UMAD1: variants seen among roughly 807,000 people sequenced by gnomAD.
The protein encoded by UMAD1 is UBAP1-MVB12-associated (UMA) domain containing 1.
A neutral mutation model predicts 6.1 loss-of-function variants in UMAD1; 8 were observed. The observed-to-expected ratio is 1.30, with a 90% CI of 0.76 to 2.35. The LOEUF (loss-of-function observed/expected upper bound fraction) is 2.35, where lower values mean the gene tolerates loss of function less well. Among genes scored for constraint, UMAD1 ranks in the 30% most tolerant of loss-of-function variants. UMAD1 has a pLI of 0.00. For missense variants in UMAD1, 130 were observed against 78.4 expected (o/e 1.66, Z -2.49); for synonymous variants, 56 against 31.4 (o/e 1.78, Z -2.61).
chr7:7,722,324 G>T (rs1781066149), intron 2 of UMAD1, among the ~76,000 whole-genome samples: 1 of 151,932 alleles, frequency 6.6e-6, no homozygotes, highest in African/African-American at 2.4e-5. Context: ...GTTGGTTTTG[G>T]GGATTCTGGA....
At chr7:7,862,031 T>A (rs1784126310) in intron 3 of UMAD1, among the ~76,000 whole-genome samples, 1 of 152,182 alleles carries the variant, frequency 6.6e-6, no homozygotes, top group Non-Finnish European at 1.5e-5. Context: ...AAAATATATA[T>A]CATACTTAGG....
chr7:7,659,532 A>T (rs1281252740), intron 1 of UMAD1, among the ~76,000 whole-genome samples: 3 of 152,212 alleles, frequency 2.0e-5, no homozygotes, highest in African/African-American at 7.2e-5. Context: ...TTCAAAGAAC[A>T]TCTTTATTTC....
chr7:7,658,569 C>T (rs1238808951), intron 1 of UMAD1, among the ~76,000 whole-genome samples: 1 of 152,094 alleles, frequency 6.6e-6, no homozygotes, highest in Non-Finnish European at 1.5e-5. Flanking sequence ...TTGAGATAGT[C>T]ATGTGGTTTT....
At chr7:7,654,408 A>C (rs1785295032) in intron 1 of UMAD1, among the ~76,000 whole-genome samples, 1 of 152,242 alleles carries the variant, frequency 6.6e-6, no homozygotes, top group Admixed American at 6.5e-5. Context: ...GGATATGGGA[A>C]GTGATTCTGT....
At chr7:7,786,274 C>A (rs1782459234) in intron 2 of UMAD1, among the ~76,000 whole-genome samples, 1 of 152,182 alleles carries the variant, frequency 6.6e-6, no homozygotes, top group Non-Finnish European at 1.5e-5. Context: ...AATATCTAGA[C>A]ATTTTTGAAA....
intron 2 of UMAD1, among the ~76,000 whole-genome samples, chr7:7,698,309 A>AT (rs1391331838): frequency 6.6e-6 from 1 of 152,150 alleles, no homozygotes; most frequent in Non-Finnish European, 1.5e-5. Flanking sequence ...ACTAGAGAAA[A>AT]TTTTTTTAGT....
At chr7:7,719,641 AG>A (rs67169061) in intron 2 of UMAD1, among the ~76,000 whole-genome samples, 16,419 of 150,704 alleles carry the variant, frequency 0.11, 1,154 homozygotes, top group African/African-American at 0.2. Context: ...GGAAAGTAGT[AG>A]TTTTTTTTTT....
intron 3 of UMAD1, among the ~76,000 whole-genome samples, chr7:7,808,565 G>A (rs867796603): frequency 6.6e-6 from 1 of 151,898 alleles, no homozygotes; most frequent in Admixed American, 6.6e-5. Context: ...TCTAATTTTG[G>A]TGACTGAATT....
intron 1 of UMAD1, among the ~76,000 whole-genome samples, chr7:7,658,112 G>C: frequency 6.6e-6 from 1 of 152,162 alleles, no homozygotes; most frequent in African/African-American, 2.4e-5. Flanking sequence ...CTCTCTGTTT[G>C]TCTATTATTG....
At chr7:7,771,549 A>G (rs1049976706) in intron 2 of UMAD1, among the ~76,000 whole-genome samples, 2 of 152,180 alleles carry the variant, frequency 1.3e-5, no homozygotes, top group African/African-American at 2.4e-5. Context: ...ACAGATCTGA[A>G]CATTTTCTTG....
intron 2 of UMAD1, among the ~76,000 whole-genome samples, chr7:7,687,602 G>T (rs1249715051): frequency 6.6e-6 from 1 of 152,188 alleles, no homozygotes; most frequent in East Asian, 1.9e-4. Context: ...AAGCTGAAGT[G>T]TTTAAAGTGT....
At chr7:7,671,533 T>C (rs1203816212) in intron 1 of UMAD1, among the ~76,000 whole-genome samples, 1 of 152,244 alleles carries the variant, frequency 6.6e-6, no homozygotes, top group Admixed American at 6.5e-5. Context: ...TGTTTTTAAC[T>C]GTTCGAGGTT....
At chr7:7,742,088 T>C (rs1401788392) in intron 2 of UMAD1, 5 of 578,202 alleles carry the variant, frequency 8.6e-6, no homozygotes, top group African/African-American at 1.9e-5. Context: ...TAAACGCTTG[T>C]TGATATGATG....
intron 3 of UMAD1, among the ~76,000 whole-genome samples, chr7:7,834,315 G>A (rs555414406): frequency 6.6e-6 from 1 of 152,122 alleles, no homozygotes; most frequent in Admixed American, 6.5e-5. Flanking sequence ...GAGCCACCAT[G>A]CCTGGCCTAT....
chr7:7,779,771 A>C (rs1782306960), intron 2 of UMAD1, among the ~76,000 whole-genome samples: 1 of 152,030 alleles, frequency 6.6e-6, no homozygotes, highest in Admixed American at 6.6e-5. Context: ...CAGCCTCTAG[A>C]ATAGCTGGGA....
intron 3 of UMAD1, among the ~76,000 whole-genome samples, chr7:7,807,173 G>T (rs572369344): frequency 2.0e-4 from 30 of 152,210 alleles, no homozygotes; most frequent in African/African-American, 7.2e-4. Context: ...TTCCTTACGC[G>T]TCATAACTAC....
intron 2 of UMAD1, among the ~76,000 whole-genome samples, chr7:7,756,066 G>A (rs1025136000): frequency 9.2e-5 from 14 of 152,306 alleles, no homozygotes; most frequent in African/African-American, 2.9e-4. Flanking sequence ...AAGAAATAGG[G>A]AGACTTAATC....
At position 7,689,297 on chromosome 7, in the gene UMAD1, CTGA is replaced by C. The variant is rs769057605; in HGVS notation, c.82+15850_82+15852del. On this transcript the variant is annotated intron_variant, in intron 2 of 3. Transcript: ENST00000682710. Reference sequence around the variant, plus strand: ...CAGTTATTTGATCTGGATGAAATGGCTGATGATGTTTTATCTATCATTGCCAAC... The same window carrying C: ...CAGTTATTTGATCTGGATGAAATGGCTGATGTTTTATCTATCATTGCCAAC... 4.6e-5 allele frequency: 7 copies of C among 152,268 alleles called. No homozygotes were observed. The South Asian group carries it at 1.2e-3, about 27-fold the overall frequency. The allele number at this position is 152,268 out of a possible 1,614,324, so 9.4% of individuals were successfully genotyped here. A position where few individuals can be genotyped will look rare whatever the true frequency, so the allele number is the denominator to read the frequency against.
At chr7:7,811,793 A>G (rs1477266808) in intron 3 of UMAD1, among the ~76,000 whole-genome samples, 2 of 152,200 alleles carry the variant, frequency 1.3e-5, no homozygotes, top group Non-Finnish European at 2.9e-5. Context: ...CTTGCAGGTA[A>G]ATTGTCAGAC....
Sources: allele counts gnomAD v4.1 joint callset (sites outside exome capture counted in the v4.1 genomes callset), GRCh38; gene constraint gnomAD v4.1.1; transcripts MANE v1.5; gene names NCBI Gene and HGNC (gene_info 2026-07-23, HGNC 2026-07-21).